The following CCDC38 variants were observed in gnomAD, a reference collection of about 807,000 sequenced individuals.
The protein encoded by CCDC38 is coiled-coil domain containing 38.
A neutral mutation model predicts 72.8 loss-of-function variants in CCDC38; 69 were observed. The ratio of observed to expected loss-of-function variants is 0.95; its 90% CI spans 0.78 to 1.16. CCDC38 has a LOEUF of 1.16. Among genes scored for constraint, CCDC38 ranks in the 50% most tolerant of loss-of-function variants. CCDC38 has a pLI of 0.00. For missense variants in CCDC38, 626 were observed against 638.9 expected (o/e 0.98, Z 0.22); for synonymous variants, 201 against 213.2 (o/e 0.94, Z 0.50).
rs548158424 is a variant in CCDC38, at chr12:95,919,988, T to C, written c.38-1012A>G. On this transcript the variant is annotated intron_variant, in intron 2 of 15. Coordinates refer to ENST00000344280, the MANE Select transcript of CCDC38 (RefSeq NM_182496.3). Reference sequence around the variant, plus strand: ...ACCTAGAAATTCTACTGCTAGGATATACCAAAGAGAAATGAAAGCATAGGG... The same window carrying C: ...ACCTAGAAATTCTACTGCTAGGATACACCAAAGAGAAATGAAAGCATAGGG... 5.9e-5 allele frequency among the ~76,000 whole-genome samples: 9 copies of C among 152,280 alleles called. No individual in the cohort carries two copies. In the East Asian group the frequency reaches 1.3e-3, roughly 23 times the overall value.
chr12:95,919,517 T>C (rs967012446), intron 2 of CCDC38: 1 of 456,010 alleles, frequency 2.2e-6, no homozygotes. Flanking sequence ...CAGGCCATGT[T>C]TAGTTTGCTT....
At chr12:95,878,162 T>TTA (rs1276172558) in intron 13 of CCDC38, 49 bp downstream of exon 13, 4 of 1,601,738 alleles carry the variant, frequency 2.5e-6, no homozygotes, top group Non-Finnish European at 2.6e-6. Context: ...GGAATAAAAA[T>TTA]TATAATCATG....
chr12:95,872,428 A>T lies in CCDC38; in HGVS notation c.1311T>A (p.Ile437=). 2 of 1,614,002 alleles carry T rather than the reference A, an allele frequency of 1.2e-6. No homozygotes were observed. The highest frequency in any genetic ancestry group is 1.7e-6 in the Non-Finnish European group (2 of 1,179,876). Residue 437 remains isoleucine, a synonymous_variant, in exon 14 of 16, where the codon ATT becomes ATA. Transcript: ENST00000344280. The stretch of plus-strand genomic sequence containing the variant: ...CAATGCAGACTTTGTATACTTGAGT[A>T]ATCTTTTTACTAAGTGAGTCTATCA... The part of the protein sequence containing the change: ...EILIDSLSKK[I]TQVYKVCIGD...
At chr12:95,905,005 G>A (rs1373224391) in intron 5 of CCDC38, among the ~76,000 whole-genome samples, 2 of 152,192 alleles carry the variant, frequency 1.3e-5, no homozygotes, top group East Asian at 3.8e-4. Flanking sequence ...AAACTTTGTG[G>A]ATGCTCAAGT....
chr12:95,897,364 T>G (rs2079900821), intron 7 of CCDC38, among the ~76,000 whole-genome samples: 1 of 151,986 alleles, frequency 6.6e-6, no homozygotes, highest in Non-Finnish European at 1.5e-5. Flanking sequence ...ATCCCAGCAC[T>G]TTGGGAGGCT....
intron 9 of CCDC38, among the ~76,000 whole-genome samples, chr12:95,888,834 G>A (rs1226694319): frequency 6.6e-6 from 1 of 151,770 alleles, no homozygotes. Context: ...TATATCATTC[G>A]CCCCATTGTA....
intron 2 of CCDC38, among the ~76,000 whole-genome samples, chr12:95,930,980 CT>C (rs1349541373): frequency 6.6e-6 from 1 of 151,770 alleles, no homozygotes; most frequent in Non-Finnish European, 1.5e-5. Context: ...AATTAACAAC[CT>C]TGAGAGAAGG....
chr12:95,911,084 C>A (rs1272048833), intron 4 of CCDC38, among the ~76,000 whole-genome samples: 2 of 152,102 alleles, frequency 1.3e-5, no homozygotes, highest in African/African-American at 4.8e-5. Flanking sequence ...AATAAAGCTG[C>A]ACACATACAA....
chr12:95,888,231 G>T (rs1260631915), intron 10 of CCDC38, among the ~76,000 whole-genome samples: 1 of 152,196 alleles, frequency 6.6e-6, no homozygotes, highest in Admixed American at 6.5e-5. Flanking sequence ...GACCCAAGAT[G>T]CAGGGGGCGG....
intron 10 of CCDC38, chr12:95,885,194 G>T (rs2079745317): frequency 6.5e-6 from 1 of 153,174 alleles, no homozygotes; most frequent in South Asian, 1.8e-4. Flanking sequence ...CCCTTAGGCG[G>T]GTCCTTCCTG....
At chr12:95,921,080 A>G (rs2080201886) in intron 2 of CCDC38, among the ~76,000 whole-genome samples, 1 of 151,858 alleles carries the variant, frequency 6.6e-6, no homozygotes, top group African/African-American at 2.4e-5. Context: ...GTGAGCCGAG[A>G]TCATGCCATT....
intron 2 of CCDC38, among the ~76,000 whole-genome samples, chr12:95,931,621 G>A (rs1352280104): frequency 6.6e-6 from 1 of 152,134 alleles, no homozygotes; most frequent in Non-Finnish European, 1.5e-5. Flanking sequence ...CCTCAACTAT[G>A]TGCCAGGTAG....
intron 14 of CCDC38, among the ~76,000 whole-genome samples, chr12:95,870,096 T>C (rs1357185292): frequency 6.6e-6 from 1 of 152,150 alleles, no homozygotes; most frequent in Admixed American, 6.5e-5. Flanking sequence ...ATTTCAGCAC[T>C]TTACAGATAG....
At chr12:95,875,601 T>A (rs935462512) in intron 13 of CCDC38, among the ~76,000 whole-genome samples, 3 of 152,194 alleles carry the variant, frequency 2.0e-5, no homozygotes, top group African/African-American at 4.8e-5. Flanking sequence ...GATTATGTTT[T>A]GTATATTCTG....
At position 95,925,020 on chromosome 12, in the gene CCDC38, C is replaced by A. The variant is rs1473183617; in HGVS notation, c.38-6044G>T. Among the ~76,000 whole-genome samples the A allele has an allele frequency of 2.7e-5, 4 of 147,442 alleles. No individual in the cohort carries two copies. In the Admixed American group the frequency reaches 2.7e-4, roughly 10 times the overall value. ...TTGGCTTAGGATTGACTTGGCGATG[C>A]AGGCTCTTTTTTGGTTCCATATGAA... On this transcript the variant is annotated intron_variant, in intron 2 of 15. Coordinates refer to ENST00000344280, the MANE Select transcript of CCDC38 (RefSeq NM_182496.3).
chr12:95,918,299 TC>T (rs1431101793), intron 3 of CCDC38, among the ~76,000 whole-genome samples: 1 of 152,164 alleles, frequency 6.6e-6, no homozygotes, highest in Non-Finnish European at 1.5e-5. Context: ...TCTACTTTCA[TC>T]CCTTCTTCCT....
intron 14 of CCDC38, among the ~76,000 whole-genome samples, chr12:95,871,816 G>A (rs946131290): frequency 6.6e-6 from 1 of 152,176 alleles, no homozygotes; most frequent in Non-Finnish European, 1.5e-5. Flanking sequence ...GAGTCTGCTT[G>A]AAGTTTTCCC....
At chr12:95,935,566 T>C (rs772813976) in intron 2 of CCDC38, 2 of 286,764 alleles carry the variant, frequency 7.0e-6, no homozygotes, top group South Asian at 3.0e-5. Flanking sequence ...TAAGCCACAG[T>C]TGTTTTATAT....
At chr12:95,941,688 T>C (rs899270593) in intron 1 of CCDC38, among the ~76,000 whole-genome samples, 12 of 152,236 alleles carry the variant, frequency 7.9e-5, no homozygotes, top group African/African-American at 2.9e-4. Flanking sequence ...TTAATATTTC[T>C]CTGTGAATTA....
Sources: allele counts gnomAD v4.1 joint callset (sites outside exome capture counted in the v4.1 genomes callset), GRCh38; gene constraint gnomAD v4.1.1; transcripts MANE v1.5; gene names NCBI Gene and HGNC (gene_info 2026-07-23, HGNC 2026-07-21).